The following SDCCAG8 variants were observed in gnomAD, a reference collection of about 807,000 sequenced individuals.
SDCCAG8 encodes serologically defined colon cancer antigen 8.
A neutral mutation model predicts 101.8 loss-of-function variants in SDCCAG8; 74 were observed. The ratio of observed to expected loss-of-function variants is 0.73; its 90% confidence interval spans 0.60 to 0.88. SDCCAG8 has a LOEUF of 0.88. Ranked by LOEUF, SDCCAG8 falls within the 40% of genes least tolerant of loss-of-function variation. The pLI is 0.00. For synonymous variants in SDCCAG8, 281 were observed against 292.9 expected, an observed-to-expected ratio of 0.96 and a Z score of 0.41; for missense variants, 787 against 822.6, an observed-to-expected ratio of 0.96 and a Z score of 0.53.
At chr1:243,450,401 T>TA (rs1233346716) in intron 16 of SDCCAG8, among the ~76,000 whole-genome samples, 2 of 152,170 alleles carry the variant, frequency 1.3e-5, no homozygotes, top group Non-Finnish European at 2.9e-5. Context: ...TAAGCTGCTG[T>TA]ATAGTTTGGT....
chr1:243,359,146 C>T (rs1210473062), intron 12 of SDCCAG8, among the ~76,000 whole-genome samples: 1 of 152,212 alleles, frequency 6.6e-6, no homozygotes, highest in Non-Finnish European at 1.5e-5. Flanking sequence ...CCTCCTTCCT[C>T]TTGGTGACTA....
rs181379303 is a variant in SDCCAG8, at chr1:243,308,797, C to G, written c.929+620C>G. 1.1e-3 allele frequency among the ~76,000 whole-genome samples: 162 copies of G among 152,274 alleles called. 1 individual carries two copies. The highest frequency in any genetic ancestry group is 3.6e-3 in the African/African-American group (148 of 41,550). On this transcript the variant is annotated intron_variant, in intron 8 of 17. Coordinates refer to ENST00000366541, the MANE Select transcript of SDCCAG8 (RefSeq NM_006642.5). ...TTCACTATTCCAGAGGAGGCCTTTT[C>G]CTGTGAAAATTTTATTCTGTGGAAA...
At chr1:243,361,344 A>G (rs964807478) in intron 12 of SDCCAG8, among the ~76,000 whole-genome samples, 1 of 152,090 alleles carries the variant, frequency 6.6e-6, no homozygotes, top group African/African-American at 2.4e-5. Flanking sequence ...TTTACTCCAT[A>G]TCTTACTCAT....
chr1:243,452,375 C>CATAGT (rs1285962727), intron 16 of SDCCAG8, among the ~76,000 whole-genome samples: 9 of 149,962 alleles, frequency 6.0e-5, no homozygotes, highest in Middle Eastern at 3.5e-3. Flanking sequence ...CTCTGTCATA[C>CATAGT]CTTTTTGACT....
At chr1:243,349,745 G>A (rs10754803) in intron 12 of SDCCAG8, among the ~76,000 whole-genome samples, 61,272 of 151,762 alleles carry the variant, frequency 0.4, 14,975 homozygotes, top group East Asian at 0.8. Context: ...TGTAAATACC[G>A]TATGATTTTA....
intron 13 of SDCCAG8, among the ~76,000 whole-genome samples, chr1:243,409,741 A>G (rs1478073413): frequency 1.3e-5 from 2 of 152,220 alleles, no homozygotes; most frequent in Admixed American, 6.5e-5. Context: ...ATGGATTATA[A>G]CCCACTGAAT....
At chr1:243,468,221 G>GT (rs777469574) in intron 16 of SDCCAG8, among the ~76,000 whole-genome samples, 8,864 of 141,066 alleles carry the variant, frequency 0.063, 444 homozygotes, top group African/African-American at 0.14. Context: ...TTCTTCAAAG[G>GT]TTTTTTTTTT....
At chr1:243,368,535 C>T (rs1038170052) in intron 12 of SDCCAG8, among the ~76,000 whole-genome samples, 13 of 152,132 alleles carry the variant, frequency 8.5e-5, no homozygotes, top group Admixed American at 6.6e-4. Flanking sequence ...TTATTACCTT[C>T]GTTAACATAG....
intron 12 of SDCCAG8, among the ~76,000 whole-genome samples, chr1:243,354,732 C>CTCA (rs746924079): frequency 1.3e-4 from 20 of 152,172 alleles, no homozygotes; most frequent in Non-Finnish European, 2.5e-4. Flanking sequence ...ACTTGTTGCC[C>CTCA]TCATAAATGC....
intron 16 of SDCCAG8, among the ~76,000 whole-genome samples, chr1:243,460,648 T>A (rs1023697011): frequency 6.6e-6 from 1 of 152,250 alleles, no homozygotes; most frequent in Non-Finnish European, 1.5e-5. Flanking sequence ...AAAGTGTGAC[T>A]GAAGCATGTT....
rs956617920 is a variant in SDCCAG8, at chr1:243,303,239, G to C, written c.676-1474G>C. 2.5e-4 allele frequency among the ~76,000 whole-genome samples: 38 copies of C among 152,320 alleles called. 1 individual carries two copies. The highest frequency in any genetic ancestry group is 2.3e-3 in the Admixed American group (35 of 15,294). On this transcript the variant is annotated intron_variant, in intron 6 of 17. Coordinates refer to ENST00000366541, the MANE Select transcript of SDCCAG8 (RefSeq NM_006642.5). Reference sequence around the variant, plus strand: ...AAACAAATTGACATGAGATAATCTGGCAGAAGGGTTCTGATTATTCAAGAC... The same window carrying C: ...AAACAAATTGACATGAGATAATCTGCCAGAAGGGTTCTGATTATTCAAGAC...
intron 10 of SDCCAG8, among the ~76,000 whole-genome samples, chr1:243,332,290 A>T (rs2074663735): frequency 6.6e-6 from 1 of 152,232 alleles, no homozygotes; most frequent in Non-Finnish European, 1.5e-5. Context: ...CCAAAAAGGG[A>T]TGGAAAGCCA....
intron 16 of SDCCAG8, among the ~76,000 whole-genome samples, chr1:243,450,356 C>T (rs1417875703): frequency 6.6e-6 from 1 of 152,222 alleles, no homozygotes; most frequent in African/African-American, 2.4e-5. Context: ...AGGGTTTGAA[C>T]TCCCCTGGCT....
chr1:243,295,354 C>G (rs931123259), intron 6 of SDCCAG8, among the ~76,000 whole-genome samples: 2 of 152,162 alleles, frequency 1.3e-5, no homozygotes, highest in Admixed American at 6.5e-5. Context: ...TCTCCTGCCT[C>G]AGCACCCCAA....
At chr1:243,451,991 C>G (rs1049578553) in intron 16 of SDCCAG8, among the ~76,000 whole-genome samples, 10 of 152,204 alleles carry the variant, frequency 6.6e-5, no homozygotes, top group Admixed American at 4.6e-4. Flanking sequence ...ACTAAAGGGT[C>G]ATGACCCACA....
intron 17 of SDCCAG8, among the ~76,000 whole-genome samples, chr1:243,493,076 G>A (rs1010677732): frequency 2.0e-5 from 3 of 152,300 alleles, no homozygotes; most frequent in Non-Finnish European, 4.4e-5. Context: ...TTGCCTAGAT[G>A]CAGTTCCCCA....
rs1330818695 is a variant in SDCCAG8 at position 243,416,128 on chromosome 1, A to T, written c.1744+299A>T. Among the ~76,000 whole-genome samples the T allele has an allele frequency of 2.0e-5, 3 of 152,194 alleles. No individual in the cohort carries two copies. Among genetic ancestry groups the T allele is most frequent in the African/African-American group, 7.2e-5 (3 of 41,452 alleles). ...CTGAGAGAGACCACAACAAAGTAGA[A>T]AAACAAAGGGCTTGTTTTTGGCTGG... On this transcript the variant is annotated intron_variant, in intron 14 of 17. Transcript: ENST00000366541. This position sits in a 1 kb window ranked among gnomAD's most constrained non-coding sequence, Gnocchi z 4.3.
chr1:243,413,013 CT>C (rs2080290376), intron 13 of SDCCAG8, among the ~76,000 whole-genome samples: 1 of 152,082 alleles, frequency 6.6e-6, no homozygotes, highest in Non-Finnish European at 1.5e-5. Flanking sequence ...GAAAGCAAGA[CT>C]ATGTCATGTT....
intron 5 of SDCCAG8, among the ~76,000 whole-genome samples, chr1:243,291,857 T>C (rs1418719758): frequency 6.6e-6 from 1 of 152,172 alleles, no homozygotes; most frequent in African/African-American, 2.4e-5. Flanking sequence ...CAACTGCAAA[T>C]AGTAGGTCTC....
Sources: allele counts gnomAD v4.1 joint callset (sites outside exome capture counted in the v4.1 genomes callset), GRCh38; gene constraint gnomAD v4.1.1; non-coding constraint Gnocchi (gnomAD v3.1); transcripts MANE v1.5; gene names NCBI Gene and HGNC (gene_info 2026-07-23, HGNC 2026-07-21).